DCDC1: variants seen among roughly 807,000 people sequenced by gnomAD.
DCDC1 encodes the protein doublecortin domain containing 1, also known as doublecortin domain-containing protein 1.
Under a neutral mutation model 178.3 loss-of-function variants are expected in DCDC1, and 200 were observed. That is an observed-to-expected ratio of 1.12 (90% CI 1.00 to 1.26). The LOEUF is 1.26. Among genes scored for constraint, DCDC1 ranks in the 50% most tolerant of loss-of-function variants. The pLI, the probability that DCDC1 is intolerant of heterozygous loss-of-function variation, is 0.00. For missense variants in DCDC1, 1,983 were observed against 1,749.2 expected (o/e 1.13, Z -2.38); for synonymous variants, 690 against 604.8 (o/e 1.14, Z -2.07).
chr11:31,132,756 C>A (rs999897099), intron 10 of DCDC1, among the ~76,000 whole-genome samples: 9 of 152,102 alleles, frequency 5.9e-5, no homozygotes, highest in African/African-American at 2.2e-4. Flanking sequence ...AAAAAATGCA[C>A]CATCTCATTG....
At chr11:31,088,741 C>T (rs1957622061) in intron 17 of DCDC1, among the ~76,000 whole-genome samples, 1 of 152,106 alleles carries the variant, frequency 6.6e-6, no homozygotes, top group South Asian at 2.1e-4. Flanking sequence ...TTTTGACACA[C>T]AGGCTTGCTC....
intron 13 of DCDC1, among the ~76,000 whole-genome samples, chr11:31,105,683 T>G (rs558268562): frequency 6.6e-6 from 1 of 152,088 alleles, no homozygotes; most frequent in Non-Finnish European, 1.5e-5. Context: ...TCATCAAGCA[T>G]TTTAATATTT....
intron 16 of DCDC1, among the ~76,000 whole-genome samples, chr11:31,093,442 CT>C (rs1174996284): frequency 1.3e-5 from 2 of 152,148 alleles, no homozygotes; most frequent in African/African-American, 4.8e-5. Context: ...TGCATCATCT[CT>C]TTTCAACATA....
chr11:30,963,697 T>C (rs1949254491), intron 20 of DCDC1, among the ~76,000 whole-genome samples: 1 of 152,132 alleles, frequency 6.6e-6, no homozygotes, highest in Admixed American at 6.6e-5. Flanking sequence ...ACCAGCTCTG[T>C]AGCACTACCT....
intron 20 of DCDC1, among the ~76,000 whole-genome samples, chr11:31,023,630 G>T (rs1953038419): frequency 6.6e-6 from 1 of 151,998 alleles, no homozygotes; most frequent in Non-Finnish European, 1.5e-5. Context: ...ACTCATATTT[G>T]TACAAGGGTG....
intron 21 of DCDC1, among the ~76,000 whole-genome samples, chr11:30,945,158 G>A (rs1191384722): frequency 5.3e-5 from 8 of 151,072 alleles, no homozygotes; most frequent in East Asian, 3.9e-4. Context: ...TAGTAGAGAC[G>A]GGGTTTCACT....
chr11:31,299,951 G>A lies in DCDC1; in HGVS notation c.754+5664C>T, dbSNP rs181619904. Among the ~76,000 whole-genome samples the A allele has an allele frequency of 3.6e-3, 543 of 152,178 alleles. 1 individual carries two copies. The highest frequency in any genetic ancestry group is 6.8e-3 in the Middle Eastern group (2 of 294). On this transcript the variant is annotated intron_variant, in intron 6 of 38. Coordinates refer to ENST00000684477, the MANE Select transcript of DCDC1 (RefSeq NM_001387274.1). ...CGGCTCACTGCAACCTCTGCCTCAC[G>A]GGTTCAAGCAATTCTCCTGCCTCAG...
chr11:30,923,623 T>A (rs1002903799), intron 23 of DCDC1, among the ~76,000 whole-genome samples: 24 of 149,568 alleles, frequency 1.6e-4, no homozygotes, highest in East Asian at 5.9e-4. Context: ...TAATAATAAT[T>A]ATTATTATTA....
At chr11:31,120,390 T>C (rs953827844) in intron 11 of DCDC1, among the ~76,000 whole-genome samples, 1 of 152,078 alleles carries the variant, frequency 6.6e-6, no homozygotes, top group African/African-American at 2.4e-5. Context: ...GTCCTAAGAG[T>C]TCTGGAAGTT....
At chr11:30,967,983 T>G (rs1405337673) in intron 20 of DCDC1, among the ~76,000 whole-genome samples, 1 of 152,082 alleles carries the variant, frequency 6.6e-6, no homozygotes, top group African/African-American at 2.4e-5. Flanking sequence ...AGTCCACAAA[T>G]GTAATGAAAT....
At chr11:30,892,699 A>G (rs1943889835) in intron 36 of DCDC1, 119 bp downstream of exon 36, 1 of 1,160,794 alleles carries the variant, frequency 8.6e-7, no homozygotes, top group Admixed American at 2.5e-5. Flanking sequence ...TACTGTTACT[A>G]TTTTGTGGAC....
At chr11:31,031,736 A>G (rs1206134675) in intron 20 of DCDC1, among the ~76,000 whole-genome samples, 1 of 152,136 alleles carries the variant, frequency 6.6e-6, no homozygotes, top group Non-Finnish European at 1.5e-5. Context: ...TTAGGTTCTT[A>G]TGAAATGAAA....
At position 30,968,711 on chromosome 11, in the gene DCDC1, T is replaced by TTTTATA. The variant is rs760434545; in HGVS notation, c.2592-16144_2592-16143insTATAAA. Among the ~76,000 whole-genome samples the TTTTATA allele has an allele frequency of 4.9e-4, 30 of 61,046 alleles. 1 individual carries two copies. The highest frequency in any genetic ancestry group is 3.5e-3 in the Admixed American group (19 of 5,460). The allele number at this position is 61,046 out of a possible 152,430, so 40.0% of individuals were successfully genotyped here. A position where few individuals can be genotyped will look rare whatever the true frequency, so the allele number is the denominator to read the frequency against. On this transcript the variant is annotated intron_variant, in intron 20 of 38. Transcript: ENST00000684477. ...TATATCAAATTATATATATATCAAA[T>TTTTATA]TATATATATATATATATATATATAT...
chr11:31,158,773 G>GTA (rs1244293699), intron 9 of DCDC1, among the ~76,000 whole-genome samples: 7 of 152,060 alleles, frequency 4.6e-5, no homozygotes, highest in African/African-American at 1.7e-4. Flanking sequence ...TCAAACTGTG[G>GTA]TAACATTTCT....
rs559106706 is a variant in DCDC1, at chr11:31,299,265, AT to A, written c.754+6349del. Among the ~76,000 whole-genome samples the A allele has an allele frequency of 1.0e-3, 156 of 152,176 alleles. 1 individual carries two copies. The highest frequency in any genetic ancestry group is 3.5e-3 in the African/African-American group (144 of 41,544). On this transcript the variant is annotated intron_variant, in intron 6 of 38. Coordinates refer to ENST00000684477, the MANE Select transcript of DCDC1 (RefSeq NM_001387274.1). Reference sequence around the variant, plus strand: ...TAATAATGACAGTGGTTGTCATTAGATTTTAACTCAGTAACACTAGTCTGAC... The same window carrying A: ...TAATAATGACAGTGGTTGTCATTAGATTTAACTCAGTAACACTAGTCTGAC...
At chr11:31,286,564 T>G (rs1946854640) in intron 7 of DCDC1, among the ~76,000 whole-genome samples, 1 of 151,900 alleles carries the variant, frequency 6.6e-6, no homozygotes, top group South Asian at 2.1e-4. Flanking sequence ...ACACAACATA[T>G]TTTCCAAAAA....
intron 20 of DCDC1, among the ~76,000 whole-genome samples, chr11:31,050,434 A>G (rs1401164904): frequency 6.6e-6 from 1 of 152,192 alleles, no homozygotes; most frequent in Non-Finnish European, 1.5e-5. Flanking sequence ...ATAGTGGAAG[A>G]CAAAGGGCAT....
rs553515816 is a variant in DCDC1, at chr11:31,366,076, C to T, written c.-125+3621G>A. On this transcript the variant is annotated intron_variant, in intron 1 of 38. Transcript: ENST00000684477. Reference sequence around the variant, plus strand: ...GCACAACTATCTCATTTAATTCCCACAACAAATCTATGAGGGAAATACTAT... The same window carrying T: ...GCACAACTATCTCATTTAATTCCCATAACAAATCTATGAGGGAAATACTAT... Among the ~76,000 whole-genome samples the T allele has an allele frequency of 2.0e-5, 3 of 152,138 alleles. No individual in the cohort carries two copies. The South Asian group carries it at 6.2e-4, about 32-fold the overall frequency.
Position 31,127,519 on chromosome 11 carries a change from T to C in DCDC1, c.1435A>G (p.Ile479Val). 4.3e-6 allele frequency: 3 copies of C among 702,622 alleles called. No homozygotes were observed. In the South Asian group the frequency reaches 4.4e-5, roughly 10 times the overall value. 43.5% of individuals were successfully genotyped at this position (702,622 alleles called of 1,614,324 possible). The change falls in exon 11 of 39, where the codon ATT becomes GTT. Residue 479 changes from isoleucine to valine, a missense_variant. Transcript: ENST00000684477. ...EQFSSYVYQH[I>V]KSLPANTLVP... ...AGCGTGTTTGCTGGAAGGCTTTTAATGTGTTGGTAGACATAAGAGGAGAAT... is the reference window on the plus strand; with the variant it reads ...AGCGTGTTTGCTGGAAGGCTTTTAACGTGTTGGTAGACATAAGAGGAGAAT...
Sources: gnomAD v4.1 joint callset for allele counts (sites outside exome capture counted in the v4.1 genomes callset) on GRCh38, gnomAD v4.1.1 for gene constraint, MANE v1.5 for transcripts, NCBI Gene and HGNC (gene_info 2026-07-23, HGNC 2026-07-21) for gene names.